The following ARID3B variants were observed in gnomAD, a reference collection of about 807,000 sequenced individuals.
ARID3B encodes AT-rich interactive domain-containing protein 3B.
A neutral mutation model predicts 51.9 loss-of-function variants in ARID3B; 10 were observed. That is an observed-to-expected ratio of 0.19 (90% confidence interval 0.12 to 0.33). ARID3B has a LOEUF of 0.33. Ranked by LOEUF, ARID3B falls within the 10% of genes least tolerant of loss-of-function variation. The pLI, the probability that ARID3B is intolerant of heterozygous loss-of-function variation, is 1.00. For synonymous variants in ARID3B, 205 were observed against 279.5 expected (o/e 0.73, Z 2.66); for missense variants, 483 against 716.3 (o/e 0.67, Z 3.72).
At chr15:74,588,143 T>C (rs763754165) in intron 4 of ARID3B, among the ~76,000 whole-genome samples, 2 of 151,616 alleles carry the variant, frequency 1.3e-5, no homozygotes, top group African/African-American at 2.4e-5. Flanking sequence ...CTTAAGAGGC[T>C]GAGTGGGAGG....
chr15:74,550,922 A>G (rs2061634971), intron 2 of ARID3B, among the ~76,000 whole-genome samples: 1 of 152,166 alleles, frequency 6.6e-6, no homozygotes, highest in South Asian at 2.1e-4. Flanking sequence ...GTTAGGGCGA[A>G]TTGTCATCAA....
intron 8 of ARID3B, among the ~76,000 whole-genome samples, chr15:74,593,915 A>C (rs541071403): frequency 1.1e-4 from 16 of 151,736 alleles, no homozygotes; most frequent in Non-Finnish European, 2.4e-4. Context: ...GGTGGTGCAC[A>C]CCTGTGGTCC....
chr15:74,572,963 A>G lies in ARID3B; in HGVS notation c.624+30A>G, dbSNP rs376176189. ...GTAATACTTCCTTTGTGATACAGAT[A>G]GGGGCAGTTCTGCAGTGGCTTGTTA... On this transcript the variant is annotated intron_variant, in intron 3 of 8. Coordinates refer to ENST00000346246, the MANE Select transcript of ARID3B (RefSeq NM_006465.4). 1.9e-6 allele frequency: 3 copies of G among 1,611,070 alleles called. No homozygotes were observed. In the African/African-American group the frequency reaches 4.0e-5, roughly 22 times the overall value.
chr15:74,594,853 T>G (rs2061818324), intron 8 of ARID3B, among the ~76,000 whole-genome samples: 1 of 152,218 alleles, frequency 6.6e-6, no homozygotes, highest in African/African-American at 2.4e-5. Context: ...CCTGGTGCCC[T>G]TTGCCTCTTC....
intron 4 of ARID3B, among the ~76,000 whole-genome samples, chr15:74,582,291 C>T (rs1275370841): frequency 2.0e-5 from 3 of 152,206 alleles, no homozygotes; most frequent in African/African-American, 4.8e-5. Flanking sequence ...CCTCAGCCTC[C>T]CGAGTAGCTG....
Position 74,597,620 on chromosome 15 carries a change from C to T in ARID3B, c.*1846C>T, listed in dbSNP as rs1462114953. 1.7e-5 allele frequency: 9 copies of T among 534,116 alleles called. No homozygotes were observed. Among genetic ancestry groups the T allele is most frequent in the Non-Finnish European group, 3.3e-5 (9 of 276,410 alleles). 33.1% of individuals were successfully genotyped at this position (534,116 alleles called of 1,614,324 possible). A position where few individuals can be genotyped will look rare whatever the true frequency, so the allele number is the denominator to read the frequency against. On this transcript the variant is annotated 3_prime_UTR_variant, in exon 9 of 9. Coordinates refer to ENST00000346246, the MANE Select transcript of ARID3B (RefSeq NM_006465.4). Reference sequence around the variant, plus strand: ...TCTGGGACGTGGTGCCAGTGAGGAGCCCAGTTGGCTGGCACTGGGCCCATT... The same window carrying T: ...TCTGGGACGTGGTGCCAGTGAGGAGTCCAGTTGGCTGGCACTGGGCCCATT...
chr15:74,587,359 T>C (rs2061785337), intron 4 of ARID3B, among the ~76,000 whole-genome samples: 1 of 152,042 alleles, frequency 6.6e-6, no homozygotes, highest in African/African-American at 2.4e-5. Context: ...TCTAACACCC[T>C]GAAAGTGGGT....
In ARID3B at chr15:74,591,766, T is replaced by C. The variant is rs201322001; in HGVS notation, c.1372T>C (p.Phe458Leu). The change falls in exon 7 of 9, where the codon TTC becomes CTC. Residue 458 changes from phenylalanine to leucine, a missense_variant. Phe to Leu is a conservative substitution (Grantham distance 22, BLOSUM62 0). This residue lies in a region of ARID3B where 265 missense variants were observed against 354.4 expected (regional missense o/e 0.75). Transcript: ENST00000346246. The surrounding 1 kb of genome is among the most constrained non-coding windows in gnomAD (Gnocchi z 5.8). The part of the protein sequence containing the change: ...LVQQAFQRNF[F>L]SMARQLPMKI... The stretch of plus-strand genomic sequence containing the variant: ...GCAGCAGGCCTTCCAGCGCAACTTT[T>C]TCAGCATGGCACGGCAGCTCCCCAT... 1 of 1,614,198 alleles carries C rather than the reference T, an allele frequency of 6.2e-7. No homozygotes were observed. The highest frequency in any genetic ancestry group is 8.5e-7 in the Non-Finnish European group (1 of 1,180,034).
At chr15:74,545,269 A>T (rs77286092) in intron 2 of ARID3B, among the ~76,000 whole-genome samples, 1 of 152,364 alleles carries the variant, frequency 6.6e-6, no homozygotes, top group African/African-American at 2.4e-5. Context: ...TGCATTGTAT[A>T]TATTTTCCAA....
Position 74,591,496 on chromosome 15 carries a change from C to G in ARID3B, c.1165+62C>G, listed in dbSNP as rs2061803053. ...GGAAGGGATGCCAGTTCCCTGTGTTCAAGACTGGGGTTTTGGGGCAAGAGG... is the reference window on the plus strand; with the variant it reads ...GGAAGGGATGCCAGTTCCCTGTGTTGAAGACTGGGGTTTTGGGGCAAGAGG... On this transcript the variant is annotated intron_variant, in intron 6 of 8. Coordinates refer to ENST00000346246, the MANE Select transcript of ARID3B (RefSeq NM_006465.4). The surrounding 1 kb of genome is among the most constrained non-coding windows in gnomAD (Gnocchi z 5.8). The G allele has an allele frequency of 1.3e-6, 2 of 1,593,374 alleles. No homozygotes were observed. The highest frequency in any genetic ancestry group is 1.1e-5 in the South Asian group (1 of 88,882).
At chr15:74,566,785 C>T (rs1223367525) in intron 2 of ARID3B, among the ~76,000 whole-genome samples, 1 of 151,994 alleles carries the variant, frequency 6.6e-6, no homozygotes, top group African/African-American at 2.4e-5. Context: ...AAAAAAAGAG[C>T]ATAATTGCAT....
chr15:74,544,611 C>G (rs1467362543), intron 2 of ARID3B, 123 bp downstream of exon 2: 1 of 907,352 alleles, frequency 1.1e-6, no homozygotes. Flanking sequence ...GACCAACAGC[C>G]TAGACATGAA....
At chr15:74,570,031 T>A (rs1314643683) in intron 2 of ARID3B, among the ~76,000 whole-genome samples, 1 of 152,212 alleles carries the variant, frequency 6.6e-6, no homozygotes, top group Non-Finnish European at 1.5e-5. Context: ...ACAGTGGGAT[T>A]ACTCAAAGAG....
intron 4 of ARID3B, among the ~76,000 whole-genome samples, chr15:74,575,774 T>G (rs1239475362): frequency 6.6e-6 from 1 of 152,236 alleles, no homozygotes; most frequent in Non-Finnish European, 1.5e-5. Flanking sequence ...TTGCTGGCAT[T>G]ACCAACAGAA....
chr15:74,567,910 G>C (rs191832046), intron 2 of ARID3B, among the ~76,000 whole-genome samples: 2 of 152,310 alleles, frequency 1.3e-5, no homozygotes, highest in East Asian at 3.9e-4. Flanking sequence ...TTCTAATTTT[G>C]AGTAGCAGTC....
intron 2 of ARID3B, among the ~76,000 whole-genome samples, chr15:74,548,687 C>T (rs2061624625): frequency 6.6e-6 from 1 of 152,208 alleles, no homozygotes; most frequent in Non-Finnish European, 1.5e-5. Flanking sequence ...CAATTTCAAA[C>T]ACCTCCAAGC....
intron 2 of ARID3B, among the ~76,000 whole-genome samples, chr15:74,553,225 C>A (rs80025017): frequency 0.055 from 8,348 of 152,300 alleles, 322 homozygotes; most frequent in Middle Eastern, 0.085. Flanking sequence ...ATGGTAACAG[C>A]ATATACAGGT....
Position 74,593,828 on chromosome 15 carries a change from C to T in ARID3B, c.1519+592C>T, listed in dbSNP as rs565159201. On this transcript the variant is annotated intron_variant, in intron 8 of 8. Coordinates refer to ENST00000346246, the MANE Select transcript of ARID3B (RefSeq NM_006465.4). ...GGCTGAGGCAAGAGGACCACTTGAGCCCAGGAGTTTGAGACCAGCCTGAGC... is the reference window on the plus strand; with the variant it reads ...GGCTGAGGCAAGAGGACCACTTGAGTCCAGGAGTTTGAGACCAGCCTGAGC... 3.9e-5 allele frequency among the ~76,000 whole-genome samples: 6 copies of T among 152,004 alleles called. No individual in the cohort carries two copies. In the East Asian group the frequency reaches 1.2e-3, roughly 30 times the overall value.
At chr15:74,565,112 G>A (rs2061692909) in intron 2 of ARID3B, among the ~76,000 whole-genome samples, 1 of 151,160 alleles carries the variant, frequency 6.6e-6, no homozygotes, top group South Asian at 2.1e-4. Context: ...TGGTACAATT[G>A]TATCTCACTG....
Sources: allele counts gnomAD v4.1 joint callset (sites outside exome capture counted in the v4.1 genomes callset), GRCh38; gene constraint gnomAD v4.1.1; regional missense constraint gnomAD v4.1.1; non-coding constraint Gnocchi (gnomAD v3.1); transcripts MANE v1.5; gene names NCBI Gene and HGNC (gene_info 2026-07-23, HGNC 2026-07-21).